The following CACNA2D3 variants were observed in gnomAD, a reference collection of about 807,000 sequenced individuals.
CACNA2D3 encodes voltage-dependent calcium channel subunit alpha-2/delta-3.
A neutral mutation model predicts 160.6 loss-of-function variants in CACNA2D3; 60 were observed. That is an observed-to-expected ratio of 0.37 (90% CI 0.30 to 0.46). The LOEUF is 0.46. Ranked by LOEUF, CACNA2D3 falls within the 20% of genes least tolerant of loss-of-function variation. The pLI, the probability that CACNA2D3 is intolerant of heterozygous loss-of-function variation, is 1.00. For missense variants in CACNA2D3, 1,205 were observed against 1,365.0 expected (o/e 0.88, Z 1.85); for synonymous variants, 558 against 492.9 (o/e 1.13, Z -1.75).
chr3:54,418,160 C>G (rs1290056640), intron 4 of CACNA2D3, among the ~76,000 whole-genome samples: 2 of 152,100 alleles, frequency 1.3e-5, no homozygotes, highest in East Asian at 1.9e-4. Flanking sequence ...AACCGTAATG[C>G]CTGTTTTACT....
At chr3:54,494,996 A>G (rs1377339895) in intron 4 of CACNA2D3, among the ~76,000 whole-genome samples, 1 of 152,200 alleles carries the variant, frequency 6.6e-6, no homozygotes, top group East Asian at 1.9e-4. Context: ...AATTTGGATT[A>G]CAATTCAAGA....
chr3:54,667,201 C>T (rs1417814916), intron 11 of CACNA2D3, among the ~76,000 whole-genome samples: 1 of 151,652 alleles, frequency 6.6e-6, no homozygotes, highest in Non-Finnish European at 1.5e-5. Context: ...ATGAGACATT[C>T]ATGTAAAAAG....
chr3:54,149,927 CTCTCCCTCCCT>C (rs1700112138), intron 2 of CACNA2D3, among the ~76,000 whole-genome samples: 1 of 66,340 alleles, frequency 1.5e-5, no homozygotes, highest in Non-Finnish European at 3.2e-5. Flanking sequence ...CTCTCTCTCT[CTCTCCCTCCCT>C]CCCTCCCTCC....
intron 9 of CACNA2D3, among the ~76,000 whole-genome samples, chr3:54,583,915 AAG>A (rs1702718633): frequency 6.6e-6 from 1 of 152,086 alleles, no homozygotes; most frequent in Non-Finnish European, 1.5e-5. Flanking sequence ...AAAAAAAAAA[AAG>A]AAAGTCCCAG....
chr3:54,866,532 T>C (rs921336688), intron 17 of CACNA2D3, among the ~76,000 whole-genome samples: 5 of 152,142 alleles, frequency 3.3e-5, no homozygotes, highest in African/African-American at 1.2e-4. Context: ...TCCCCTTCCT[T>C]CCTGTTGGCA....
chr3:55,070,509 T>C (rs1382056557), intron 35 of CACNA2D3, among the ~76,000 whole-genome samples: 1 of 152,150 alleles, frequency 6.6e-6, no homozygotes, highest in East Asian at 1.9e-4. Context: ...GGGAACCATT[T>C]GTGCAGCGGT....
rs577105458 is a variant in CACNA2D3 at position 54,559,397 on chromosome 3, A to G, written c.545-3403A>G. 7.9e-5 allele frequency among the ~76,000 whole-genome samples: 12 copies of G among 151,914 alleles called. No individual in the cohort carries two copies. In the South Asian group the frequency reaches 2.3e-3, roughly 29 times the overall value. The stretch of plus-strand genomic sequence containing the variant: ...AACCTCCGCCTCCCAGGTTCAAGCT[A>G]TTTTCCTGTCTCAGCCTCCCAAGTA... On this transcript the variant is annotated intron_variant, in intron 5 of 37. Transcript: ENST00000474759.
At chr3:54,472,204 C>T (rs1231576557) in intron 4 of CACNA2D3, among the ~76,000 whole-genome samples, 3 of 152,232 alleles carry the variant, frequency 2.0e-5, no homozygotes, top group African/African-American at 7.2e-5. Flanking sequence ...CCAACACGAT[C>T]AAGTTGGCTT....
At chr3:54,506,837 A>G (rs1214648429) in intron 5 of CACNA2D3, among the ~76,000 whole-genome samples, 1 of 152,194 alleles carries the variant, frequency 6.6e-6, no homozygotes, top group Non-Finnish European at 1.5e-5. Context: ...AAATGACTCC[A>G]TATCCTCTAT....
chr3:54,146,335 C>T, intron 2 of CACNA2D3, among the ~76,000 whole-genome samples: 1 of 152,208 alleles, frequency 6.6e-6, no homozygotes, highest in East Asian at 1.9e-4. Context: ...AGTTCCCGAG[C>T]ACAGGGACTG....
chr3:54,445,844 C>G (rs1431155300), intron 4 of CACNA2D3, among the ~76,000 whole-genome samples: 1 of 152,186 alleles, frequency 6.6e-6, no homozygotes, highest in Non-Finnish European at 1.5e-5. Flanking sequence ...CTCCCTTGTT[C>G]TAGGAGGGTA....
At chr3:54,736,372 G>A (rs1000169566) in intron 11 of CACNA2D3, among the ~76,000 whole-genome samples, 8 of 151,758 alleles carry the variant, frequency 5.3e-5, no homozygotes, top group African/African-American at 1.9e-4. Flanking sequence ...GAACAGTACT[G>A]CAACATAAAT....
In CACNA2D3 at chr3:54,350,986, G is replaced by GTTTTTAT. The variant is rs1698548897; in HGVS notation, c.321+30433_321+30434insATTTTTT. On this transcript the variant is annotated intron_variant, in intron 3 of 37. Coordinates refer to ENST00000474759, the MANE Select transcript of CACNA2D3 (RefSeq NM_018398.3). ...TGAGTCTGTTTTTTTTTTTTTGTTT[G>GTTTTTAT]TTTTTTTTTTTTTTTTTTTTGAGAC... Among the ~76,000 whole-genome samples the GTTTTTAT allele has an allele frequency of 2.7e-3, 180 of 65,946 alleles. 8 individuals carry two copies. Among genetic ancestry groups the GTTTTTAT allele is most frequent in the Admixed American group, 6.0e-3 (30 of 4,986 alleles). 43.3% of individuals were successfully genotyped at this position (65,946 alleles called of 152,430 possible).
intron 20 of CACNA2D3, 81 bp downstream of exon 20, chr3:54,879,492 T>C: frequency 2.0e-6 from 2 of 1,012,646 alleles, no homozygotes. Context: ...CTCTCAGAGC[T>C]CATCATCTGA....
intron 2 of CACNA2D3, among the ~76,000 whole-genome samples, chr3:54,204,340 A>G (rs528093680): frequency 1.3e-5 from 2 of 150,978 alleles, no homozygotes; most frequent in East Asian, 3.9e-4. Context: ...TACCATATAT[A>G]TAACCATATG....
intron 13 of CACNA2D3, among the ~76,000 whole-genome samples, chr3:54,774,224 A>G (rs1401055973): frequency 6.6e-6 from 1 of 152,208 alleles, no homozygotes; most frequent in African/African-American, 2.4e-5. Context: ...CACTATTAAT[A>G]TAAAGAACTA....
chr3:54,766,869 A>C (rs1348779762), intron 13 of CACNA2D3, among the ~76,000 whole-genome samples: 2 of 151,888 alleles, frequency 1.3e-5, no homozygotes, highest in Non-Finnish European at 2.9e-5. Flanking sequence ...AATTATATAT[A>C]GCATACTACC....
chr3:54,502,516 GTTC>G (rs1317752762), intron 4 of CACNA2D3, among the ~76,000 whole-genome samples: 1 of 152,120 alleles, frequency 6.6e-6, no homozygotes, highest in Non-Finnish European at 1.5e-5. Context: ...TTACCCATCT[GTTC>G]TTACATGTCC....
chr3:54,570,150 T>A, intron 8 of CACNA2D3, 46 bp downstream of exon 8: 1 of 1,592,688 alleles, frequency 6.3e-7, no homozygotes, highest in Non-Finnish European at 8.6e-7. Context: ...GTTCATTTGA[T>A]CTTTTGGTAG....
Sources: allele counts gnomAD v4.1 joint callset (sites outside exome capture counted in the v4.1 genomes callset), GRCh38; gene constraint gnomAD v4.1.1; transcripts MANE v1.5; gene names NCBI Gene and HGNC (gene_info 2026-07-23, HGNC 2026-07-21).